Variants in EYA4 observed in about 807,000 individuals in gnomAD.
The protein encoded by EYA4 is EYA transcriptional coactivator and phosphatase 4, also known as protein phosphatase EYA4.
A neutral mutation model predicts 87.9 loss-of-function variants in EYA4; 31 were observed. The observed-to-expected ratio is 0.35, with a 90% CI of 0.27 to 0.48. The LOEUF (loss-of-function observed/expected upper bound fraction) is 0.48. Among genes scored for constraint, EYA4 ranks in the 20% least tolerant of loss-of-function variants. The pLI is 0.99. For synonymous variants in EYA4, 263 were observed against 270.6 expected, an observed-to-expected ratio of 0.97 and a Z score of 0.28; for missense variants, 678 against 761.4, an observed-to-expected ratio of 0.89 and a Z score of 1.29.
chr6:133,283,313 T>C (rs1394440273), intron 2 of EYA4, among the ~76,000 whole-genome samples: 1 of 151,572 alleles, frequency 6.6e-6, no homozygotes, highest in African/African-American at 2.4e-5. Flanking sequence ...AATAATAATA[T>C]AAAAAATAAA....
At chr6:133,411,425 T>C (rs1488064990) in intron 3 of EYA4, among the ~76,000 whole-genome samples, 1 of 152,188 alleles carries the variant, frequency 6.6e-6, no homozygotes, top group Non-Finnish European at 1.5e-5. Context: ...CAGTAAAGTA[T>C]TGCATGTTCT....
intron 2 of EYA4, among the ~76,000 whole-genome samples, chr6:133,285,923 A>T (rs949566949): frequency 6.6e-6 from 1 of 152,220 alleles, no homozygotes; most frequent in Non-Finnish European, 1.5e-5. Context: ...GCAGATCAGG[A>T]GGTCAGTTTT....
At chr6:133,365,358 C>T (rs530417888) in intron 2 of EYA4, among the ~76,000 whole-genome samples, 11 of 151,948 alleles carry the variant, frequency 7.2e-5, no homozygotes, top group South Asian at 2.1e-4. Flanking sequence ...CACTTCCTGC[C>T]GAATGGATTG....
intron 1 of EYA4, among the ~76,000 whole-genome samples, chr6:133,252,267 C>A (rs928283998): frequency 6.6e-6 from 1 of 152,138 alleles, no homozygotes; most frequent in Non-Finnish European, 1.5e-5. Flanking sequence ...ATCACAACTG[C>A]TGAAGATTAA....
chr6:133,406,691 A>C (rs1262876347), intron 3 of EYA4, among the ~76,000 whole-genome samples: 1 of 152,200 alleles, frequency 6.6e-6, no homozygotes, highest in Admixed American at 6.5e-5. Context: ...TACATTTTTC[A>C]GATTGAAAGC....
At chr6:133,336,769 T>G (rs1782395385) in intron 2 of EYA4, among the ~76,000 whole-genome samples, 1 of 152,176 alleles carries the variant, frequency 6.6e-6, no homozygotes, top group African/African-American at 2.4e-5. Flanking sequence ...ATGATACATA[T>G]AAGGTACAGA....
intron 2 of EYA4, among the ~76,000 whole-genome samples, chr6:133,303,964 G>A (rs1247180611): frequency 6.6e-6 from 1 of 152,128 alleles, no homozygotes; most frequent in South Asian, 2.1e-4. Flanking sequence ...AGACAGGGAA[G>A]ACTTGCCTCC....
intron 2 of EYA4, among the ~76,000 whole-genome samples, chr6:133,343,232 A>G (rs1368851071): frequency 6.6e-6 from 1 of 152,216 alleles, no homozygotes; most frequent in Non-Finnish European, 1.5e-5. Context: ...AATTGTACAT[A>G]TGAAAAGATA....
At chr6:133,480,345 G>A (rs919619732) in intron 11 of EYA4, among the ~76,000 whole-genome samples, 1 of 152,192 alleles carries the variant, frequency 6.6e-6, no homozygotes, top group African/African-American at 2.4e-5. Context: ...TGTCAACAAG[G>A]TGATTTCTGG....
intron 2 of EYA4, among the ~76,000 whole-genome samples, chr6:133,303,102 T>C (rs1187152166): frequency 6.6e-6 from 1 of 152,190 alleles, no homozygotes; most frequent in Non-Finnish European, 1.5e-5. Context: ...AGTTATTTGC[T>C]CTATAGTTTT....
chr6:133,452,878 G>C (rs1488131168), intron 5 of EYA4: 2 of 152,042 alleles, frequency 1.3e-5, no homozygotes, highest in East Asian at 3.8e-4. Flanking sequence ...TGAAGATACA[G>C]AATAATAATC....
Position 133,512,731 on chromosome 6 carries a change from A to G in EYA4, c.1292A>G (p.Gln431Arg). 2 of 1,611,760 alleles carry G rather than the reference A, an allele frequency of 1.2e-6. No homozygotes were observed. Among genetic ancestry groups the G allele is most frequent in the Non-Finnish European group, 1.7e-6 (2 of 1,177,768 alleles). The change falls in exon 15 of 20, where the codon CAA becomes CGA. Residue 431 changes from glutamine to arginine, a missense_variant. Transcript: ENST00000355286. Reference protein sequence around the residue: ...LFFNDLEECDQVHIDDVSSDD... With the variant: ...LFFNDLEECDRVHIDDVSSDD... ...CAATGTTTTTAACAGGAGTGTGATC[A>G]AGTTCATATAGATGATGTTTCCTCT...
intron 2 of EYA4, among the ~76,000 whole-genome samples, chr6:133,287,875 C>CT (rs1254659792): frequency 6.6e-6 from 1 of 152,134 alleles, no homozygotes; most frequent in Non-Finnish European, 1.5e-5. Flanking sequence ...TGGCTCATGC[C>CT]TGTAATCCCA....
chr6:133,483,358 C>A (rs111616081), intron 13 of EYA4, among the ~76,000 whole-genome samples: 1 of 151,910 alleles, frequency 6.6e-6, no homozygotes, highest in African/African-American at 2.4e-5. Flanking sequence ...ACATCAAGAC[C>A]AAGCTTCTTA....
intron 2 of EYA4, among the ~76,000 whole-genome samples, chr6:133,362,500 T>C (rs534077334): frequency 2.0e-5 from 3 of 152,182 alleles, no homozygotes; most frequent in Admixed American, 6.5e-5. Context: ...TGATAGAACA[T>C]GAGATGTTAT....
At chr6:133,327,909 A>G (rs770531095) in intron 2 of EYA4, among the ~76,000 whole-genome samples, 1 of 152,206 alleles carries the variant, frequency 6.6e-6, no homozygotes, top group Non-Finnish European at 1.5e-5. Context: ...CGAAATGGAA[A>G]AAATTCTTAG....
chr6:133,495,485 T>TACTTATTTATTTATA (rs142398992), intron 13 of EYA4, among the ~76,000 whole-genome samples: 1 of 119,898 alleles, frequency 8.3e-6, no homozygotes, highest in Non-Finnish European at 1.7e-5. Flanking sequence ...TAAAGAAATA[T>TACTTATTTATTTATA]AGAAGAGAGA....
intron 18 of EYA4, among the ~76,000 whole-genome samples, chr6:133,523,410 A>G (rs1176299928): frequency 6.6e-6 from 1 of 152,204 alleles, no homozygotes; most frequent in Non-Finnish European, 1.5e-5. Flanking sequence ...TTCACAGAAT[A>G]TTACAGCCCA....
chr6:133,484,005 G>T (rs527457961), intron 13 of EYA4, among the ~76,000 whole-genome samples: 1 of 152,062 alleles, frequency 6.6e-6, no homozygotes, highest in East Asian at 1.9e-4. Context: ...GATTACAGGC[G>T]TGAGCCACCA....
Sources: allele counts gnomAD v4.1 joint callset (sites outside exome capture counted in the v4.1 genomes callset), GRCh38; gene constraint gnomAD v4.1.1; transcripts MANE v1.5; gene names NCBI Gene and HGNC (gene_info 2026-07-23, HGNC 2026-07-21).